Variants in ABCA3 observed in about 807,000 individuals in gnomAD.
ABCA3 encodes the protein phospholipid-transporting ATPase ABCA3.
Under a neutral mutation model 172.8 loss-of-function variants are expected in ABCA3, and 88 were observed. The observed-to-expected ratio is 0.51, with a 90% CI of 0.43 to 0.61. The LOEUF (loss-of-function observed/expected upper bound fraction) is 0.61, where lower values mean the gene tolerates loss of function less well. Among genes scored for constraint, ABCA3 ranks in the 20% least tolerant of loss-of-function variants. The pLI, the probability that ABCA3 is intolerant of heterozygous loss-of-function variation, is 0.00. For synonymous variants in ABCA3, 1,066 were observed against 983.8 expected (o/e 1.08, Z -1.56); for missense variants, 2,164 against 2,301.0 (o/e 0.94, Z 1.22).
chr16:2,284,456 A>G lies in ABCA3; in HGVS notation c.3704-19T>C, dbSNP rs966053727. The G allele has an allele frequency of 1.2e-6, 2 of 1,613,250 alleles. No individual in the cohort carries two copies. Among genetic ancestry groups the G allele is most frequent in the African/African-American group, 2.7e-5 (2 of 74,902 alleles). On this transcript the variant is annotated intron_variant, in intron 24 of 32. Transcript: ENST00000301732. This position sits in a 1 kb window ranked among gnomAD's most constrained non-coding sequence, Gnocchi z 5.9. Reference sequence around the variant, plus strand: ...TTTACAGCTGCGTTGGGGAGGTAAGATCAGTCTGCGCTGGAGGGCACACCA... The same window carrying G: ...TTTACAGCTGCGTTGGGGAGGTAAGGTCAGTCTGCGCTGGAGGGCACACCA...
intron 1 of ABCA3, among the ~76,000 whole-genome samples, chr16:2,330,061 T>C (rs906942966): frequency 1.3e-5 from 2 of 151,970 alleles, no homozygotes; most frequent in Admixed American, 6.6e-5. Context: ...TTTGGAAGAC[T>C]GAGCTGGGCG....
Position 2,276,232 on chromosome 16 carries a change from G to C in ABCA3, c.*442C>G. ...CTGCATGGTCCATTCCTGGCGGCCT[G>C]GGGGCCTCGCTACAGTTCAACCTGG... On this transcript the variant is annotated 3_prime_UTR_variant, in exon 33 of 33. Coordinates refer to ENST00000301732, the MANE Select transcript of ABCA3 (RefSeq NM_001089.3). 4.5e-6 allele frequency: 2 copies of C among 446,466 alleles called. No individual in the cohort carries two copies. Among genetic ancestry groups the C allele is most frequent in the Non-Finnish European group, 4.5e-6 (1 of 221,204 alleles). The allele number at this position is 446,466 out of a possible 1,614,324, so 27.7% of individuals were successfully genotyped here.
chr16:2,281,631 T>C lies in ABCA3; in HGVS notation c.4036-122A>G. On this transcript the variant is annotated intron_variant, in intron 26 of 32. Coordinates refer to ENST00000301732, the MANE Select transcript of ABCA3 (RefSeq NM_001089.3). This position sits in a 1 kb window ranked among gnomAD's most constrained non-coding sequence, Gnocchi z 4.7. The stretch of plus-strand genomic sequence containing the variant: ...GGACTAAGGCCTTCAAGGCTTCTCG[T>C]CCCAATCTCAGGCCCCACAGGTGCG... 1 of 1,270,314 alleles carries C rather than the reference T, an allele frequency of 7.9e-7. No individual in the cohort carries two copies. The highest frequency in any genetic ancestry group is 1.1e-6 in the Non-Finnish European group (1 of 896,320). 78.7% of individuals were successfully genotyped at this position (1,270,314 alleles called of 1,614,324 possible).
chr16:2,338,555 C>G (rs529718495), intron 1 of ABCA3, among the ~76,000 whole-genome samples: 1 of 152,086 alleles, frequency 6.6e-6, no homozygotes, highest in Admixed American at 6.6e-5. Context: ...GTGATTGTAA[C>G]GGGAAGCCTG....
At chr16:2,308,855 C>T (rs1190256262) in intron 10 of ABCA3, among the ~76,000 whole-genome samples, 1 of 152,200 alleles carries the variant, frequency 6.6e-6, no homozygotes, top group Non-Finnish European at 1.5e-5. Flanking sequence ...ACACCAACAC[C>T]TCCAGCCCCT....
chr16:2,290,710 G>A (rs557583840), intron 19 of ABCA3, among the ~76,000 whole-genome samples: 1 of 152,202 alleles, frequency 6.6e-6, no homozygotes, highest in South Asian at 2.1e-4. Context: ...CCCTCCCTCC[G>A]CCGCCTTGCC....
intron 6 of ABCA3, among the ~76,000 whole-genome samples, chr16:2,323,940 C>A (rs2240522): frequency 6.6e-6 from 1 of 152,132 alleles, no homozygotes; most frequent in East Asian, 1.9e-4. Flanking sequence ...GAAGTGCCAC[C>A]GAGTGTTCAG....
rs780279594 is a variant in ABCA3, at chr16:2,295,649, C to G, written c.2355G>C (p.Thr785=). The stretch of plus-strand genomic sequence containing the variant: ...GCTCGGCCCCAGCGCTGCTCTCCAG[C>G]GTGGCGTTGGGCACGTGGTGGTGGA... The part of the protein sequence containing the change: ...QLVHHHVPNA[T]LESSAGAELS... Residue 785 remains threonine, a synonymous_variant, in exon 18 of 33, where the codon ACG becomes ACC. Coordinates refer to ENST00000301732, the MANE Select transcript of ABCA3 (RefSeq NM_001089.3). 2.0e-5 allele frequency: 32 copies of G among 1,613,926 alleles called. No homozygotes were observed. The African/African-American group carries it at 3.3e-4, about 17-fold the overall frequency.
rs1430443157 is a variant in ABCA3 at position 2,278,314 on chromosome 16, G to C, written c.4692C>G (p.Gly1564=). 1 of 1,609,738 alleles carries C rather than the reference G, an allele frequency of 6.2e-7. No individual in the cohort carries two copies. The highest frequency in any genetic ancestry group is 8.5e-7 in the Non-Finnish European group (1 of 1,179,990). Residue 1564 remains glycine, a synonymous_variant, in exon 30 of 33, where the codon GGC becomes GGG. Coordinates refer to ENST00000301732, the MANE Select transcript of ABCA3 (RefSeq NM_001089.3). The surrounding 1 kb of genome is among the most constrained non-coding windows in gnomAD (Gnocchi z 4.4). ...WDTVARARES[G]KAIIITSHSM... ...TGTGGGAGGTGATGATGATGGCCTTGCCAGACTCTCGGGCTCGTGCCACGG... is the reference window on the plus strand; with the variant it reads ...TGTGGGAGGTGATGATGATGGCCTTCCCAGACTCTCGGGCTCGTGCCACGG...
chr16:2,302,745 A>G (rs2093691459), intron 12 of ABCA3, among the ~76,000 whole-genome samples: 1 of 151,950 alleles, frequency 6.6e-6, no homozygotes, highest in South Asian at 2.1e-4. Flanking sequence ...TCAGCCTCCC[A>G]AAGTGCTGGG....
At position 2,298,029 on chromosome 16, in the gene ABCA3, G is replaced by A. The variant is rs2093682848; in HGVS notation, c.1897-108C>T. Reference sequence around the variant, plus strand: ...CTCTCCTTGACGTAGCTGGGGAGATGCAGGGCTCCTGGCGGGAGGCCGACC... The same window carrying A: ...CTCTCCTTGACGTAGCTGGGGAGATACAGGGCTCCTGGCGGGAGGCCGACC... On this transcript the variant is annotated intron_variant, in intron 15 of 32. Transcript: ENST00000301732. 2.4e-6 allele frequency: 2 copies of A among 826,138 alleles called. 1 individual carries two copies. The highest frequency in any genetic ancestry group is 3.3e-6 in the Non-Finnish European group (2 of 609,610). 51.2% of individuals were successfully genotyped at this position (826,138 alleles called of 1,614,324 possible). A position where few individuals can be genotyped will look rare whatever the true frequency, so the allele number is the denominator to read the frequency against.
Position 2,286,715 on chromosome 16 carries a change from G to A in ABCA3, c.3257C>T (p.Ala1086Val). 2 of 1,613,632 alleles carry A rather than the reference G, an allele frequency of 1.2e-6. No homozygotes were observed. The highest frequency in any genetic ancestry group is 1.7e-6 in the Non-Finnish European group (2 of 1,179,898). ...ATACTCGTTAAACTGGTCCTTGGCA[G>A]CCTGCAGGGCGCTCCGGGGCTGGGG... ...NFPQPRSALQAAKDQFNEGRK... is the reference protein window; with the variant it reads ...NFPQPRSALQVAKDQFNEGRK... The change falls in exon 22 of 33, where the codon GCT becomes GTT. Residue 1086 changes from alanine to valine, a missense_variant. Around this residue, in one of 3 missense-constraint regions of ABCA3, gnomAD observed 795 missense variants for 881.9 expected, o/e 0.90. Transcript: ENST00000301732. The surrounding 1 kb of genome is among the most constrained non-coding windows in gnomAD (Gnocchi z 5.2).
At position 2,322,530 on chromosome 16, in the gene ABCA3, G is replaced by GCCCCCCCA. The variant is rs1411110947; in HGVS notation, c.613+985_613+992dup. The stretch of plus-strand genomic sequence containing the variant: ...ATCTCCTAATGCTATCCCTCCCCCC[G>GCCCCCCCA]CCCCCCCACCCCACAACAGGCCCCA... On this transcript the variant is annotated intron_variant, in intron 7 of 32. Coordinates refer to ENST00000301732, the MANE Select transcript of ABCA3 (RefSeq NM_001089.3). 6.8e-5 allele frequency among the ~76,000 whole-genome samples: 3 copies of GCCCCCCCA among 44,352 alleles called. No homozygotes were observed. In the East Asian group the frequency reaches 1.5e-3, roughly 22 times the overall value. The allele number at this position is 44,352 out of a possible 152,430, so 29.1% of individuals were successfully genotyped here. A position where few individuals can be genotyped will look rare whatever the true frequency, so the allele number is the denominator to read the frequency against.
intron 10 of ABCA3, among the ~76,000 whole-genome samples, chr16:2,316,324 G>A (rs1007885360): frequency 3.4e-3 from 262 of 77,996 alleles, no homozygotes; most frequent in South Asian, 5.5e-3. Context: ...AAAAAAAAAA[G>A]AAAAAAGAAA....
At chr16:2,332,499 A>T (rs1041027072) in intron 1 of ABCA3, 24 of 930,890 alleles carry the variant, frequency 2.6e-5, no homozygotes, top group Non-Finnish European at 4.2e-5. Context: ...AGATGGACTG[A>T]CGGGTAGCAT....
chr16:2,277,948 T>C lies in ABCA3; in HGVS notation c.4840A>G (p.Lys1614Glu). The C allele has an allele frequency of 6.2e-7, 1 of 1,612,232 alleles. No individual in the cohort carries two copies. The highest frequency in any genetic ancestry group is 8.5e-7 in the Non-Finnish European group (1 of 1,179,982). Residue 1614 changes from lysine (K) to glutamate (E), a missense_variant, in exon 31 of 33, where the codon AAG becomes GAG. Around this residue, in one of 3 missense-constraint regions of ABCA3, gnomAD observed 795 missense variants for 881.9 expected, o/e 0.90. Coordinates refer to ENST00000301732, the MANE Select transcript of ABCA3 (RefSeq NM_001089.3). This position sits in a 1 kb window ranked among gnomAD's most constrained non-coding sequence, Gnocchi z 5.3. ...KFGSGYSLRA[K>E]VQSEGQQEAL... ...TCCTGTTGCCCTTCACTCTGCACCT[T>C]GGCCCGCAGGGAGTAGCCGCTGCCG...
intron 1 of ABCA3, among the ~76,000 whole-genome samples, chr16:2,335,942 TTTC>T (rs1245226427): frequency 1.3e-5 from 2 of 152,218 alleles, no homozygotes; most frequent in Admixed American, 1.3e-4. Flanking sequence ...AGGTACAGAT[TTTC>T]TTTTGTGAAA....
chr16:2,313,891 CA>C (rs34599387), intron 10 of ABCA3, among the ~76,000 whole-genome samples: 1,350 of 126,714 alleles, frequency 0.011, 13 homozygotes, highest in African/African-American at 0.031. Flanking sequence ...GATTCCATCT[CA>C]AAAAAAAAAA....
intron 1 of ABCA3, among the ~76,000 whole-genome samples, chr16:2,337,576 G>A (rs2093753921): frequency 1.3e-5 from 2 of 150,358 alleles, no homozygotes; most frequent in South Asian, 2.1e-4. Context: ...TTAGAGATGG[G>A]ATCTTGCCAT....
Sources: gnomAD v4.1 joint callset for allele counts (sites outside exome capture counted in the v4.1 genomes callset) on GRCh38, gnomAD v4.1.1 for gene constraint, gnomAD v4.1.1 regional missense constraint, Gnocchi (gnomAD v3.1) non-coding constraint, MANE v1.5 for transcripts, NCBI Gene and HGNC (gene_info 2026-07-23, HGNC 2026-07-21) for gene names.